The following RIC1 variants were observed in gnomAD, a reference collection of about 807,000 sequenced individuals.
RIC1 encodes RIC1 partner of RAB6A GEF complex.
Under a neutral mutation model 169.0 loss-of-function variants are expected in RIC1, and 88 were observed. The ratio of observed to expected loss-of-function variants is 0.52; its 90% CI spans 0.44 to 0.62. RIC1 has a LOEUF of 0.62. RIC1 is among the 20% of genes least tolerant of loss of function. The pLI is 0.00. For synonymous variants in RIC1, 790 were observed against 601.5 expected (o/e 1.31, Z -4.59); for missense variants, 1,877 against 1,725.5 (o/e 1.09, Z -1.56).
intron 1 of RIC1, among the ~76,000 whole-genome samples, chr9:5,638,860 GT>G (rs1818101007): frequency 6.6e-6 from 1 of 151,986 alleles, no homozygotes; most frequent in African/African-American, 2.4e-5. Flanking sequence ...ATTTTGGGTT[GT>G]TTGCTCTTGC....
intron 2 of RIC1, among the ~76,000 whole-genome samples, chr9:5,658,402 T>A (rs1819240461): frequency 6.6e-6 from 1 of 152,058 alleles, no homozygotes; most frequent in Admixed American, 6.6e-5. Flanking sequence ...AAATAAAATA[T>A]GAAAATGAAA....
chr9:5,749,455 G>T (rs541342987), intron 12 of RIC1, among the ~76,000 whole-genome samples: 1 of 152,040 alleles, frequency 6.6e-6, no homozygotes, highest in Non-Finnish European at 1.5e-5. Context: ...GGTTTAATTT[G>T]CCCCACAATA....
intron 2 of RIC1, among the ~76,000 whole-genome samples, chr9:5,688,670 C>G (rs1414852727): frequency 6.6e-6 from 1 of 152,036 alleles, no homozygotes; most frequent in African/African-American, 2.4e-5. Context: ...AGTTAATGGT[C>G]AAAAAGAAAG....
chr9:5,629,459 T>C lies in RIC1; in HGVS notation c.144+6T>C. ...TCAGCATCTGGTACAGCCGAGTAAGTAGAGCCGCCCGCCGCCTTTCGCCGC... is the reference window on the plus strand; with the variant it reads ...TCAGCATCTGGTACAGCCGAGTAAGCAGAGCCGCCCGCCGCCTTTCGCCGC... On this transcript the variant is annotated splice_donor_region_variant and intron_variant, in intron 1 of 25. Transcript: ENST00000414202. The C allele has an allele frequency of 6.5e-7, 1 of 1,527,088 alleles. No homozygotes were observed. The highest frequency in any genetic ancestry group is 2.5e-5 in the East Asian group (1 of 39,906). The allele number at this position is 1,527,088 out of a possible 1,614,324, so 94.6% of individuals were successfully genotyped here.
rs1380751280 is a variant in RIC1 at position 5,774,737 on chromosome 9, AC to A, written c.*494del. The stretch of plus-strand genomic sequence containing the variant: ...AATCAGTCCTCCTGAATAGATTGCT[AC>A]CCTGGGGCACAATATGTGCCAGTGT... On this transcript the variant is annotated 3_prime_UTR_variant, in exon 26 of 26. Transcript: ENST00000414202. 1 of 152,522 alleles carries A rather than the reference AC, an allele frequency of 6.6e-6. No individual in the cohort carries two copies. Among genetic ancestry groups the A allele is most frequent in the African/African-American group, 2.4e-5 (1 of 41,428 alleles). 9.4% of individuals were successfully genotyped at this position (152,522 alleles called of 1,614,324 possible).
intron 3 of RIC1, among the ~76,000 whole-genome samples, chr9:5,704,228 A>C (rs2146714): frequency 0.37 from 54,841 of 146,828 alleles, 10,239 homozygotes; most frequent in East Asian, 0.62. Context: ...TTTTTTTTTT[A>C]TTTTTTTAAA....
intron 6 of RIC1, among the ~76,000 whole-genome samples, chr9:5,721,464 G>A (rs1291273485): frequency 6.6e-6 from 1 of 152,120 alleles, no homozygotes; most frequent in Non-Finnish European, 1.5e-5. Flanking sequence ...ACACACACAC[G>A]CTGAAGAGCC....
intron 1 of RIC1, among the ~76,000 whole-genome samples, chr9:5,653,714 C>G (rs1818932132): frequency 6.6e-6 from 1 of 152,116 alleles, no homozygotes; most frequent in Non-Finnish European, 1.5e-5. Context: ...TCTCCTGCCT[C>G]AGCCTCCCGA....
intron 25 of RIC1, among the ~76,000 whole-genome samples, chr9:5,773,572 T>C (rs1409457414): frequency 6.6e-6 from 1 of 152,256 alleles, no homozygotes; most frequent in African/African-American, 2.4e-5. Context: ...TATTTGGAGC[T>C]AGTTACTTCC....
chr9:5,769,625 C>G (rs1284105654), intron 22 of RIC1: 1 of 409,808 alleles, frequency 2.4e-6, no homozygotes, highest in Non-Finnish European at 4.2e-6. Flanking sequence ...TCCAGGGGAA[C>G]AGTAAGGCCA....
intron 3 of RIC1, among the ~76,000 whole-genome samples, chr9:5,693,444 G>A (rs1821702458): frequency 6.6e-6 from 1 of 152,078 alleles, no homozygotes; most frequent in South Asian, 2.1e-4. Context: ...TATAACAATG[G>A]TGGCAGTCTT....
chr9:5,692,583 G>T (rs1821650403), intron 3 of RIC1, among the ~76,000 whole-genome samples: 1 of 151,960 alleles, frequency 6.6e-6, no homozygotes, highest in Non-Finnish European at 1.5e-5. Flanking sequence ...ATTAAAGTCA[G>T]CCTGTTGTGT....
At chr9:5,707,907 T>C (rs1822689913) in intron 3 of RIC1, among the ~76,000 whole-genome samples, 1 of 152,098 alleles carries the variant, frequency 6.6e-6, no homozygotes, top group Non-Finnish European at 1.5e-5. Context: ...TTTCTGCCAT[T>C]TTGCTATTTG....
intron 1 of RIC1, among the ~76,000 whole-genome samples, chr9:5,652,896 G>T (rs1818884665): frequency 6.6e-6 from 1 of 152,098 alleles, no homozygotes; most frequent in Non-Finnish European, 1.5e-5. Flanking sequence ...AATTTGTTAA[G>T]AGTTGTTGTC....
intron 7 of RIC1, among the ~76,000 whole-genome samples, chr9:5,734,026 A>G (rs1166531371): frequency 6.8e-6 from 1 of 147,586 alleles, no homozygotes. Flanking sequence ...ATACATATAT[A>G]TAATGTATAT....
intron 6 of RIC1, among the ~76,000 whole-genome samples, chr9:5,723,377 A>G (rs565602072): frequency 2.9e-4 from 44 of 152,286 alleles, no homozygotes; most frequent in African/African-American, 9.1e-4. Flanking sequence ...GTCTGTTCAT[A>G]GCCTTCGCCC....
At chr9:5,735,917 A>C (rs1824676562) in intron 7 of RIC1, among the ~76,000 whole-genome samples, 1 of 152,230 alleles carries the variant, frequency 6.6e-6, no homozygotes, top group South Asian at 2.1e-4. Flanking sequence ...TGGTGATAAT[A>C]GTCATATCTC....
chr9:5,673,532 G>GGA (rs1172491997), intron 2 of RIC1, among the ~76,000 whole-genome samples: 8 of 60,062 alleles, frequency 1.3e-4, no homozygotes, highest in African/African-American at 5.2e-4. Context: ...CAAAACATAA[G>GGA]GAGATATATA....
At chr9:5,679,815 A>G (rs1184140770) in intron 2 of RIC1, among the ~76,000 whole-genome samples, 1 of 152,166 alleles carries the variant, frequency 6.6e-6, no homozygotes, top group Non-Finnish European at 1.5e-5. Flanking sequence ...CTCTTTTCCT[A>G]ATTGAATGCC....
Sources: gnomAD v4.1 joint callset for allele counts (sites outside exome capture counted in the v4.1 genomes callset) on GRCh38, gnomAD v4.1.1 for gene constraint, MANE v1.5 for transcripts, NCBI Gene and HGNC (gene_info 2026-07-23, HGNC 2026-07-21) for gene names.